LAMA2: variants seen among roughly 807,000 people sequenced by gnomAD.
LAMA2 encodes laminin subunit alpha-2.
LAMA2 carries 269 observed loss-of-function variants against 364.8 expected under a neutral mutation model. The ratio of observed to expected loss-of-function variants is 0.74; its 90% CI spans 0.67 to 0.82. LAMA2 has a LOEUF of 0.82. Among genes scored for constraint, LAMA2 ranks in the 40% least tolerant of loss-of-function variants. LAMA2 has a pLI of 0.00. For synonymous variants in LAMA2, 1,379 were observed against 1,370.6 expected (o/e 1.01, Z -0.14); for missense variants, 3,807 against 3,873.2 (o/e 0.98, Z 0.45).
chr6:129,108,012 A>G (rs1052881810), intron 4 of LAMA2, among the ~76,000 whole-genome samples: 1 of 152,088 alleles, frequency 6.6e-6, no homozygotes. Flanking sequence ...TAGTATTTTC[A>G]TGTTTTAGGT....
intron 6 of LAMA2, among the ~76,000 whole-genome samples, chr6:129,147,519 G>T (rs891613677): frequency 6.6e-6 from 1 of 151,954 alleles, no homozygotes; most frequent in African/African-American, 2.4e-5. Context: ...GGTGGAGTGG[G>T]TGAGAGAGTC....
chr6:129,444,294 A>G (rs1292439405), intron 44 of LAMA2, among the ~76,000 whole-genome samples: 1 of 152,212 alleles, frequency 6.6e-6, no homozygotes, highest in Non-Finnish European at 1.5e-5. Context: ...AGTAGTCTTT[A>G]ACTACTTTTG....
At chr6:129,285,266 C>T (rs931417538) in intron 18 of LAMA2, among the ~76,000 whole-genome samples, 6 of 152,148 alleles carry the variant, frequency 3.9e-5, no homozygotes, top group South Asian at 2.1e-4. Context: ...CACCCATACA[C>T]CAGTAATGTG....
At chr6:129,190,661 C>T (rs1225527079) in intron 11 of LAMA2, among the ~76,000 whole-genome samples, 1 of 152,138 alleles carries the variant, frequency 6.6e-6, no homozygotes, top group Non-Finnish European at 1.5e-5. Context: ...GAAAACACTA[C>T]ATTGTGATAT....
chr6:129,284,318 A>G (rs1685087277), intron 18 of LAMA2, among the ~76,000 whole-genome samples: 2 of 152,092 alleles, frequency 1.3e-5, no homozygotes, highest in South Asian at 4.1e-4. Context: ...TCAGCTCCCA[A>G]AAGTCAGCAC....
chr6:129,450,607 C>T (rs1484946152), intron 45 of LAMA2, among the ~76,000 whole-genome samples: 2 of 152,170 alleles, frequency 1.3e-5, no homozygotes, highest in Non-Finnish European at 2.9e-5. Flanking sequence ...AGATGTGAGC[C>T]ATCACACCCA....
At chr6:129,487,525 C>T (rs7740029) in intron 56 of LAMA2, among the ~76,000 whole-genome samples, 95,923 of 151,956 alleles carry the variant, frequency 0.63, 31,289 homozygotes, top group Non-Finnish European at 0.72. Context: ...GGCCTCAAAA[C>T]ACAGAGGATA....
intron 12 of LAMA2, among the ~76,000 whole-genome samples, chr6:129,204,415 T>C (rs1298273448): frequency 6.6e-6 from 1 of 151,432 alleles, no homozygotes; most frequent in Non-Finnish European, 1.5e-5. Context: ...GTGGCTACAA[T>C]GTGGCAAGTT....
intron 12 of LAMA2, 34 bp downstream of exon 12, chr6:129,192,887 T>C (rs1406526385): frequency 2.5e-6 from 4 of 1,599,596 alleles, no homozygotes; most frequent in Non-Finnish European, 3.4e-6. Context: ...TATTCTGCTT[T>C]AACTGACTGA....
intron 1 of LAMA2, among the ~76,000 whole-genome samples, chr6:129,034,228 T>G (rs1171115233): frequency 6.6e-6 from 1 of 152,106 alleles, no homozygotes; most frequent in Non-Finnish European, 1.5e-5. Context: ...TTTTTGGAGT[T>G]TTTTTGCACT....
Position 129,314,709 on chromosome 6 carries a change from G to A in LAMA2, c.3466G>A (p.Asp1156Asn), listed in dbSNP as rs754256231. ...ATGCCGGCCTGGCAAATTCGGACTC[G>A]ATGCCAAGAATCCACTTGGCTGCAG... ...DRCRPGKFGL[D>N]AKNPLGCSSC... is the part of the protein sequence containing the mutation. Residue 1156 changes from aspartate to asparagine, a missense_variant, in exon 24 of 65, where the codon GAT becomes AAT. Coordinates refer to ENST00000421865, the MANE Select transcript of LAMA2 (RefSeq NM_000426.4). 7 of 1,613,828 alleles carry A rather than the reference G, an allele frequency of 4.3e-6. No individual in the cohort carries two copies. Among genetic ancestry groups the A allele is most frequent in the Non-Finnish European group, 5.1e-6 (6 of 1,179,996 alleles).
At chr6:128,966,131 G>T (rs1781828873) in intron 1 of LAMA2, among the ~76,000 whole-genome samples, 1 of 151,750 alleles carries the variant, frequency 6.6e-6, no homozygotes, top group African/African-American at 2.4e-5. Flanking sequence ...AATAGTCACA[G>T]ATCAAAACTA....
chr6:129,514,220 A>G (rs1314940858), intron 63 of LAMA2, among the ~76,000 whole-genome samples, 153 bp from the exon 64 acceptor site: 1 of 152,186 alleles, frequency 6.6e-6, no homozygotes, highest in African/African-American at 2.4e-5. Context: ...TAATTTGTCA[A>G]GTTTTAAAAT....
intron 24 of LAMA2, among the ~76,000 whole-genome samples, chr6:129,315,204 T>C (rs528073732): frequency 3.7e-4 from 56 of 152,332 alleles, no homozygotes; most frequent in South Asian, 6.2e-4. Flanking sequence ...TGTTCATTTT[T>C]CATTTTCCTT....
At chr6:129,046,043 G>A (rs1787461317) in intron 1 of LAMA2, among the ~76,000 whole-genome samples, 1 of 152,200 alleles carries the variant, frequency 6.6e-6, no homozygotes, top group Non-Finnish European at 1.5e-5. Flanking sequence ...GAAGGGGGCA[G>A]ATGGAGCTAG....
Position 129,336,231 on chromosome 6 carries a change from G to A in LAMA2, c.4312-6112G>A, listed in dbSNP as rs183704272. Among the ~76,000 whole-genome samples, 42 of 152,082 alleles carry A rather than the reference G, an allele frequency of 2.8e-4. No individual in the cohort carries two copies. In the East Asian group the frequency reaches 7.0e-3, roughly 25 times the overall value. ...CCTAGCACTTTTGGAGGCCAAGAGCGGAGGATCCAGGAGTTCGAGACCAGC... is the reference window on the plus strand; with the variant it reads ...CCTAGCACTTTTGGAGGCCAAGAGCAGAGGATCCAGGAGTTCGAGACCAGC... On this transcript the variant is annotated intron_variant, in intron 29 of 64. Transcript: ENST00000421865.
intron 1 of LAMA2, among the ~76,000 whole-genome samples, chr6:128,959,301 C>T (rs542986174): frequency 1.6e-4 from 24 of 152,100 alleles, no homozygotes. Context: ...ATGCTTTTCT[C>T]TCCCACATTT....
At chr6:128,957,216 T>C (rs1042584055) in intron 1 of LAMA2, among the ~76,000 whole-genome samples, 1 of 152,158 alleles carries the variant, frequency 6.6e-6, no homozygotes, top group Admixed American at 6.6e-5. Context: ...TGGTTGTATA[T>C]AAAGGTATTT....
At chr6:129,033,229 A>G (rs907380282) in intron 1 of LAMA2, among the ~76,000 whole-genome samples, 7 of 152,190 alleles carry the variant, frequency 4.6e-5, no homozygotes, top group African/African-American at 9.6e-5. Context: ...AAAAAAAAAA[A>G]AGAAAAGAAT....
Sources: allele counts gnomAD v4.1 joint callset (sites outside exome capture counted in the v4.1 genomes callset), GRCh38; gene constraint gnomAD v4.1.1; transcripts MANE v1.5; gene names NCBI Gene and HGNC (gene_info 2026-07-23, HGNC 2026-07-21).